The following BTD variants were observed in gnomAD, a reference collection of about 807,000 sequenced individuals.
BTD encodes the protein biocytinase.
Under a neutral mutation model 17.7 loss-of-function variants are expected in BTD, and 13 were observed. The observed-to-expected ratio is 0.74, with a 90% CI of 0.48 to 1.17. BTD has a LOEUF of 1.17. BTD is among the 50% of genes most tolerant of loss of function. The pLI is 0.00. For missense variants in BTD, 674 were observed against 650.4 expected (o/e 1.04, Z -0.39); for synonymous variants, 240 against 245.2 (o/e 0.98, Z 0.20).
At chr3:15,699,151 T>C (rs1030741387) in intron 3 of BTD, among the ~76,000 whole-genome samples, 1 of 152,238 alleles carries the variant, frequency 6.6e-6, no homozygotes, top group Non-Finnish European at 1.5e-5. Flanking sequence ...AAGGATTTCT[T>C]ATTTAATAAA....
At position 15,644,471 on chromosome 3, in the gene BTD, C is replaced by A. The variant is rs1423053708; in HGVS notation, c.555C>A (p.Thr185=). Reference sequence around the variant, plus strand: ...ATGTCGTGTTCAGCAATAATGGAACCCTTGTTGACCGCTACCGTAAACACA... The same window carrying A: ...ATGTCGTGTTCAGCAATAATGGAACACTTGTTGACCGCTACCGTAAACACA... ...NTNVVFSNNG[T]LVDRYRKHNL... is the part of the protein sequence containing the mutation. Residue 185 remains threonine, a synonymous_variant, in exon 4 of 4, where the codon ACC becomes ACA. Coordinates refer to ENST00000643237, the MANE Select transcript of BTD (RefSeq NM_001370658.1). 1 of 1,613,982 alleles carries A rather than the reference C, an allele frequency of 6.2e-7. No individual in the cohort carries two copies. The highest frequency in any genetic ancestry group is 8.5e-7 in the Non-Finnish European group (1 of 1,180,030).
chr3:15,611,937 C>CT (rs1265770008), intron 1 of BTD, among the ~76,000 whole-genome samples: 3 of 151,524 alleles, frequency 2.0e-5, no homozygotes, highest in South Asian at 2.1e-4. Context: ...ATTTGTTTCT[C>CT]TTTTTTTTCT....
chr3:15,656,693 T>C (rs2065874778), downstream of BTD, among the ~76,000 whole-genome samples: 1 of 152,186 alleles, frequency 6.6e-6, no homozygotes, highest in Non-Finnish European at 1.5e-5. Context: ...GTAATATGAA[T>C]CCTCTCCCTC....
chr3:15,601,849 G>A lies in BTD; in HGVS notation c.-62G>A, dbSNP rs369144095. 5 of 1,614,116 alleles carry A rather than the reference G, an allele frequency of 3.1e-6. No individual in the cohort carries two copies. The highest frequency in any genetic ancestry group is 4.2e-6 in the Non-Finnish European group (5 of 1,180,066). ...GAGCGTTTTCGGGGCTGTAAAGGGA[G>A]AATGGCGCATGCGCATATTCAGGGC... is the stretch of plus-strand genomic sequence containing the variant. On this transcript the variant is annotated 5_prime_UTR_variant, in exon 1 of 4. Coordinates refer to ENST00000643237, the MANE Select transcript of BTD (RefSeq NM_001370658.1).
In BTD at chr3:15,652,833, T is replaced by C. The variant is rs748088655; in HGVS notation, c.*7345T>C. 3.9e-5 allele frequency among the ~76,000 whole-genome samples: 6 copies of C among 152,220 alleles called. No individual in the cohort carries two copies. The highest frequency in any genetic ancestry group is 7.3e-5 in the Non-Finnish European group (5 of 68,036). On this transcript the variant is annotated 3_prime_UTR_variant, in exon 4 of 4. Coordinates refer to ENST00000643237, the MANE Select transcript of BTD (RefSeq NM_001370658.1). ...TCAAGTGCTATTAGTGGCTATTATTTGTTGGGTTACACAAAGCCAGAAATC... is the reference window on the plus strand; with the variant it reads ...TCAAGTGCTATTAGTGGCTATTATTCGTTGGGTTACACAAAGCCAGAAATC...
chr3:15,612,686 A>AT (rs2064671442), intron 1 of BTD, among the ~76,000 whole-genome samples: 2 of 140,916 alleles, frequency 1.4e-5, no homozygotes, highest in Admixed American at 7.4e-5. Context: ...TTACATCTTT[A>AT]ATTTTTTTTT....
At chr3:15,623,721 GTGTCA>G (rs2065004643) in intron 1 of BTD, among the ~76,000 whole-genome samples, 1 of 152,148 alleles carries the variant, frequency 6.6e-6, no homozygotes. Flanking sequence ...CTCTAGTGTT[GTGTCA>G]TGATAGAGTT....
intron 3 of BTD, chr3:15,685,202 T>G: frequency 6.2e-7 from 1 of 1,604,434 alleles, no homozygotes; most frequent in Non-Finnish European, 8.5e-7. Context: ...CACAATGATA[T>G]GCATTTGTGT....
exon 4 of BTD, chr3:15,712,325 G>T: frequency 1.1e-6 from 1 of 903,502 alleles, no homozygotes; most frequent in South Asian, 1.6e-5. Context: ...ATAACTAAGA[G>T]CCAAAATGTC....
chr3:15,719,277 T>C (rs2073432650), intron 4 of BTD, among the ~76,000 whole-genome samples: 1 of 152,188 alleles, frequency 6.6e-6, no homozygotes, highest in Admixed American at 6.5e-5. Flanking sequence ...AAGGCTTCAC[T>C]GAAGTTAGGT....
At chr3:15,683,776 C>T (rs1024391585) in intron 3 of BTD, 8 of 152,178 alleles carry the variant, frequency 5.3e-5, no homozygotes, top group South Asian at 4.1e-4. Flanking sequence ...TATAATTTTA[C>T]AAGATTCAGC....
chr3:15,719,102 C>T (rs2073407080), intron 4 of BTD, among the ~76,000 whole-genome samples: 1 of 152,148 alleles, frequency 6.6e-6, no homozygotes, highest in South Asian at 2.1e-4. Flanking sequence ...GATGGTTTAG[C>T]TCTAATCATA....
chr3:15,691,637 T>C (rs2068818096), intron 3 of BTD, among the ~76,000 whole-genome samples: 1 of 152,218 alleles, frequency 6.6e-6, no homozygotes, highest in South Asian at 2.1e-4. Flanking sequence ...GCCTCACTGA[T>C]CTCTTTATAA....
Position 15,641,195 on chromosome 3 carries a change from C to CT in BTD, c.250-710dup, listed in dbSNP as rs1393814977. Among the ~76,000 whole-genome samples the CT allele has an allele frequency of 6.6e-5, 10 of 152,270 alleles. No homozygotes were observed. In the East Asian group the frequency reaches 1.9e-3, roughly 29 times the overall value. On this transcript the variant is annotated intron_variant, in intron 2 of 3. Coordinates refer to ENST00000643237, the MANE Select transcript of BTD (RefSeq NM_001370658.1). ...GATGTTGCCAGGTGTGGGAAAAGGC[C>CT]TTTAGGGTGGTCAGAGTCCCGAAGG... is the stretch of plus-strand genomic sequence containing the variant.
At chr3:15,663,647 G>A (rs913881031) in intron 3 of BTD, among the ~76,000 whole-genome samples, 12 of 151,898 alleles carry the variant, frequency 7.9e-5, no homozygotes, top group African/African-American at 2.9e-4. Context: ...AACATCTATG[G>A]GCTCTGCTCT....
chr3:15,661,111 C>A (rs968959362), intron 3 of BTD, among the ~76,000 whole-genome samples: 3 of 151,314 alleles, frequency 2.0e-5, no homozygotes, highest in African/African-American at 7.3e-5. Flanking sequence ...ACTAAAAATA[C>A]AAAAATTAGC....
At chr3:15,607,100 C>T (rs1194935093) in intron 1 of BTD, among the ~76,000 whole-genome samples, 1 of 152,020 alleles carries the variant, frequency 6.6e-6, no homozygotes, top group East Asian at 1.9e-4. Context: ...TTTGTAATTT[C>T]TCAGAGGCCC....
chr3:15,678,979 TG>T (rs1220565141), intron 3 of BTD, among the ~76,000 whole-genome samples: 2 of 152,138 alleles, frequency 1.3e-5, no homozygotes, highest in African/African-American at 4.8e-5. Context: ...AAAACCTTTT[TG>T]GGGGGTAGGG....
chr3:15,662,996 G>A (rs527806136), intron 3 of BTD, among the ~76,000 whole-genome samples: 2 of 151,600 alleles, frequency 1.3e-5, no homozygotes, highest in South Asian at 2.1e-4. Flanking sequence ...CTATGTTCAT[G>A]AGAAATATTT....
Sources: gnomAD v4.1 joint callset for allele counts (sites outside exome capture counted in the v4.1 genomes callset) on GRCh38, gnomAD v4.1.1 for gene constraint, MANE v1.5 for transcripts, NCBI Gene and HGNC (gene_info 2026-07-23, HGNC 2026-07-21) for gene names.